Variants in NEK10 observed in about 807,000 individuals in gnomAD.
NEK10 encodes serine/threonine-protein kinase Nek10.
In NEK10, 122 loss-of-function variants were observed where a neutral mutation model predicts 159.8. The ratio of observed to expected loss-of-function variants is 0.76; its 90% CI spans 0.66 to 0.89. NEK10 has a LOEUF of 0.89. NEK10 is among the 40% of genes least tolerant of loss of function. The pLI is 0.00. For missense variants in NEK10, 1,342 were observed against 1,323.1 expected (o/e 1.01, Z -0.22); for synonymous variants, 466 against 457.1 (o/e 1.02, Z -0.25).
intron 23 of NEK10, among the ~76,000 whole-genome samples, chr3:27,243,814 C>T (rs1954790304): frequency 6.7e-6 from 1 of 149,114 alleles, no homozygotes; most frequent in African/African-American, 2.5e-5. Flanking sequence ...ATCTTCTACA[C>T]TTGACTGACA....
chr3:27,305,724 C>G (rs1575668421), intron 11 of NEK10, among the ~76,000 whole-genome samples: 1 of 151,954 alleles, frequency 6.6e-6, no homozygotes, highest in Non-Finnish European at 1.5e-5. Flanking sequence ...CACTACAATG[C>G]AGGTAAGTTA....
At chr3:27,279,133 T>C (rs908168436) in intron 22 of NEK10, among the ~76,000 whole-genome samples, 4 of 152,196 alleles carry the variant, frequency 2.6e-5, no homozygotes, top group African/African-American at 9.6e-5. Context: ...CCAGCATGCT[T>C]ACTATAAATA....
At chr3:27,295,177 T>C (rs568606830) in intron 15 of NEK10, among the ~76,000 whole-genome samples, 7 of 152,284 alleles carry the variant, frequency 4.6e-5, no homozygotes, top group African/African-American at 1.7e-4. Context: ...ACTTGGTGCA[T>C]GCTGTTCCCT....
At position 27,107,228 on chromosome 3, in the gene NEK10, A is replaced by G. The variant is rs1448607459; in HGVS notation, c.*4044T>C. On this transcript the variant is annotated 3_prime_UTR_variant, in exon 36 of 36. Transcript: ENST00000691995. ...GCCCATGAACTCAGAAAATATGTAA[A>G]TTGGCAATATCCATCAGACACCCCA... is the stretch of plus-strand genomic sequence containing the variant. Among the ~76,000 whole-genome samples the G allele has an allele frequency of 6.6e-6, 1 of 152,128 alleles. No homozygotes were observed. Among genetic ancestry groups the G allele is most frequent in the East Asian group, 1.9e-4 (1 of 5,186 alleles).
Position 27,204,785 on chromosome 3 carries a change from T to C in NEK10, c.2091-2228A>G, listed in dbSNP as rs535714902. Among the ~76,000 whole-genome samples, 425 of 143,886 alleles carry C rather than the reference T, an allele frequency of 3.0e-3. 3 individuals carry two copies. The highest frequency in any genetic ancestry group is 5.0e-3 in the Admixed American group (68 of 13,670). 94.4% of individuals were successfully genotyped at this position (143,886 alleles called of 152,430 possible). On this transcript the variant is annotated intron_variant, in intron 23 of 35. Coordinates refer to ENST00000691995, the MANE Select transcript of NEK10 (RefSeq NM_001394966.1). ...CAATAAACACACGTGTGCATGTGTC[T>C]TTATAGCAGCATGATTTATAGTCAT...
At chr3:27,204,330 T>C (rs1316854881) in intron 23 of NEK10, among the ~76,000 whole-genome samples, 1 of 134,662 alleles carries the variant, frequency 7.4e-6, no homozygotes, top group Admixed American at 7.4e-5. Flanking sequence ...TTATTATACT[T>C]TAAGTTTTAG....
chr3:27,261,064 G>C (rs2040368675), intron 22 of NEK10, among the ~76,000 whole-genome samples: 5 of 152,092 alleles, frequency 3.3e-5, no homozygotes, highest in Admixed American at 3.3e-4. Flanking sequence ...GATCGGTGGT[G>C]ATATCCCCTT....
chr3:27,315,841 G>T (rs2045116585), intron 6 of NEK10, among the ~76,000 whole-genome samples: 1 of 152,198 alleles, frequency 6.6e-6, no homozygotes, highest in Non-Finnish European at 1.5e-5. Flanking sequence ...CTGCTGAGAG[G>T]ACTAAGAGAC....
intron 6 of NEK10, among the ~76,000 whole-genome samples, chr3:27,315,197 G>A (rs1305578765): frequency 6.6e-6 from 1 of 152,124 alleles, no homozygotes; most frequent in Non-Finnish European, 1.5e-5. Context: ...CCACAAGGAA[G>A]TTATTTGAAA....
chr3:27,130,466 G>C (rs914736298), intron 32 of NEK10, among the ~76,000 whole-genome samples: 1 of 152,110 alleles, frequency 6.6e-6, no homozygotes, highest in Admixed American at 6.6e-5. Context: ...AAGAAAGTGA[G>C]GAAGAGTTGC....
chr3:27,300,515 G>A (rs9882365), intron 13 of NEK10, among the ~76,000 whole-genome samples: 2,441 of 152,160 alleles, frequency 0.016, 40 homozygotes, highest in East Asian at 0.061. Flanking sequence ...GCTATGTAAC[G>A]TAAACACATC....
At chr3:27,366,656 C>G (rs1204459060) in intron 1 of NEK10, among the ~76,000 whole-genome samples, 1 of 152,172 alleles carries the variant, frequency 6.6e-6, no homozygotes, top group African/African-American at 2.4e-5. Flanking sequence ...AGAGCTGTAT[C>G]AGAGCTGTCG....
chr3:27,200,250 G>A (rs998655626), intron 25 of NEK10, among the ~76,000 whole-genome samples: 2 of 152,156 alleles, frequency 1.3e-5, no homozygotes, highest in Non-Finnish European at 2.9e-5. Flanking sequence ...AAATCAAAGG[G>A]AAAGGGGTAC....
At chr3:27,348,874 G>A (rs534202103) in intron 3 of NEK10, among the ~76,000 whole-genome samples, 123 of 152,216 alleles carry the variant, frequency 8.1e-4, no homozygotes, top group Admixed American at 3.5e-3. Flanking sequence ...GTGAAGCTGT[G>A]GAACAAATGC....
At chr3:27,126,331 G>T (rs1407865448) in intron 32 of NEK10, among the ~76,000 whole-genome samples, 1 of 152,064 alleles carries the variant, frequency 6.6e-6, no homozygotes, top group Non-Finnish European at 1.5e-5. Context: ...GGTTTTGTCT[G>T]GGCTTTCTTA....
intron 7 of NEK10, among the ~76,000 whole-genome samples, chr3:27,312,973 A>C (rs780175236): frequency 6.6e-6 from 1 of 152,160 alleles, no homozygotes; most frequent in Non-Finnish European, 1.5e-5. Flanking sequence ...TATTATGAAA[A>C]TCATTCTTTC....
chr3:27,314,313 A>G lies in NEK10; in HGVS notation c.473T>C (p.Ile158Thr), dbSNP rs1256428208. The G allele has an allele frequency of 6.2e-7, 1 of 1,603,444 alleles. No individual in the cohort carries two copies. The highest frequency in any genetic ancestry group is 1.7e-5 in the Admixed American group (1 of 59,026). The change falls in exon 7 of 36, where the codon ATT becomes ACT. Residue 158 changes from isoleucine (I) to threonine (T), a missense_variant. Ile to Thr is a moderately conservative substitution (Grantham distance 89). Coordinates refer to ENST00000691995, the MANE Select transcript of NEK10 (RefSeq NM_001394966.1). The stretch of plus-strand genomic sequence containing the variant: ...GAATCTTACCTGAGCTAGGTTTTCA[A>G]TCCCACCCAAGCTATGGAGTATTTC... ...YQEILHSLGG[I>T]ENLAQYMEIV...
intron 30 of NEK10, 143 bp downstream of exon 30, chr3:27,162,558 C>T (rs746535362): frequency 6.2e-7 from 1 of 1,613,996 alleles, no homozygotes; most frequent in Non-Finnish European, 8.5e-7. Flanking sequence ...GGGCCCTGAG[C>T]ATGTGGGGTG....
chr3:27,346,020 C>T (rs2047526675), intron 4 of NEK10, 66 bp downstream of exon 4: 1 of 1,510,698 alleles, frequency 6.6e-7, no homozygotes, highest in Non-Finnish European at 9.1e-7. Flanking sequence ...CTGGGATAAA[C>T]TTAAATAAAA....
Sources: gnomAD v4.1 joint callset for allele counts (sites outside exome capture counted in the v4.1 genomes callset) on GRCh38, gnomAD v4.1.1 for gene constraint, MANE v1.5 for transcripts, NCBI Gene and HGNC (gene_info 2026-07-23, HGNC 2026-07-21) for gene names.